PTPRD: variants seen among roughly 807,000 people sequenced by gnomAD.
PTPRD encodes protein tyrosine phosphatase receptor type D, also known as receptor-type tyrosine-protein phosphatase delta.
A neutral mutation model predicts 214.5 loss-of-function variants in PTPRD; 34 were observed. The ratio of observed to expected loss-of-function variants is 0.16; its 90% CI spans 0.12 to 0.21. The LOEUF (loss-of-function observed/expected upper bound fraction) is 0.21. Ranked by LOEUF, PTPRD falls within the 10% of genes least tolerant of loss-of-function variation. The pLI is 1.00. For missense variants in PTPRD, 2,545 were observed against 2,398.7 expected, an observed-to-expected ratio of 1.06 and a Z score of -1.27; for synonymous variants, 1,128 against 845.7, an observed-to-expected ratio of 1.33 and a Z score of -5.79.
At chr9:9,630,347 G>A (rs1593522642) in intron 7 of PTPRD, among the ~76,000 whole-genome samples, 1 of 152,108 alleles carries the variant, frequency 6.6e-6, no homozygotes, top group South Asian at 2.1e-4. Flanking sequence ...CTCTTTTCCT[G>A]ATTTCCCCTC....
chr9:9,452,881 G>A (rs934296722), intron 8 of PTPRD, among the ~76,000 whole-genome samples: 22 of 151,422 alleles, frequency 1.5e-4, no homozygotes, highest in Middle Eastern at 3.2e-3. Context: ...TCAAGCTCTT[G>A]AGATAAATCA....
Position 9,261,310 on chromosome 9 carries a change from C to T in PTPRD, c.-202-77947G>A, listed in dbSNP as rs571525990. ...GTTTATTTTATTTTATGGGACCACA[C>T]GTTAAAATACCTCCTATTTCAAAGG... On this transcript the variant is annotated intron_variant, in intron 9 of 45. Coordinates refer to ENST00000381196, the MANE Select transcript of PTPRD (RefSeq NM_002839.4). Among the ~76,000 whole-genome samples, 5 of 151,876 alleles carry T rather than the reference C, an allele frequency of 3.3e-5. No individual in the cohort carries two copies. In the South Asian group the frequency reaches 6.2e-4, roughly 19 times the overall value.
chr9:9,372,794 T>G (rs200243540), intron 9 of PTPRD, among the ~76,000 whole-genome samples: 4 of 152,082 alleles, frequency 2.6e-5, no homozygotes, highest in African/African-American at 9.7e-5. Context: ...AGGAGCTCTT[T>G]TTGGGCAGGC....
chr9:9,161,429 A>G (rs557368833), intron 10 of PTPRD, among the ~76,000 whole-genome samples: 1 of 152,200 alleles, frequency 6.6e-6, no homozygotes, highest in South Asian at 2.1e-4. Flanking sequence ...CTCATATTTT[A>G]TTTGCTAAAG....
chr9:9,091,336 G>C (rs2099775533), intron 10 of PTPRD: 1 of 797,802 alleles, frequency 1.3e-6, no homozygotes, highest in African/African-American at 1.7e-5. Context: ...TCTTTAAATA[G>C]CTGCGTATTT....
rs199779343 is a variant in PTPRD at position 8,335,365 on chromosome 9, C to CACAT, written c.5379+3553_5379+3556dup. On this transcript the variant is annotated intron_variant, in intron 43 of 45. Coordinates refer to ENST00000381196, the MANE Select transcript of PTPRD (RefSeq NM_002839.4). The stretch of plus-strand genomic sequence containing the variant: ...ACACAAATCAATAAACATAATCCAT[C>CACAT]ACATACACAGAACCAATGACAAAAA... Among the ~76,000 whole-genome samples, 1,172 of 152,220 alleles carry CACAT rather than the reference C, an allele frequency of 7.7e-3. 18 individuals are homozygous for CACAT. Among genetic ancestry groups the CACAT allele is most frequent in the African/African-American group, 0.026 (1,075 of 41,542 alleles).
At chr9:10,365,456 C>A (rs2097498205) in intron 2 of PTPRD, among the ~76,000 whole-genome samples, 1 of 152,272 alleles carries the variant, frequency 6.6e-6, no homozygotes, top group East Asian at 1.9e-4. Context: ...CTAGAATATT[C>A]CTGTCCATAT....
chr9:8,942,049 A>G (rs1336634418), intron 11 of PTPRD, among the ~76,000 whole-genome samples: 1 of 152,102 alleles, frequency 6.6e-6, no homozygotes, highest in Non-Finnish European at 1.5e-5. Context: ...CAGGTGATCC[A>G]TCTGCCTCAG....
chr9:8,826,697 C>G (rs866974249), intron 11 of PTPRD, among the ~76,000 whole-genome samples: 33 of 149,990 alleles, frequency 2.2e-4, no homozygotes, highest in South Asian at 1.3e-3. Flanking sequence ...TTATTTTACT[C>G]TCCTGCTGGA....
At chr9:8,977,544 C>T (rs1452363906) in intron 11 of PTPRD, among the ~76,000 whole-genome samples, 2 of 152,026 alleles carry the variant, frequency 1.3e-5, no homozygotes, top group South Asian at 2.1e-4. Context: ...TTCATTCTAT[C>T]TTGTCATACA....
chr9:10,424,734 T>C (rs2098596475), intron 2 of PTPRD, among the ~76,000 whole-genome samples: 1 of 151,970 alleles, frequency 6.6e-6, no homozygotes, highest in African/African-American at 2.4e-5. Flanking sequence ...TAGAAGGATT[T>C]ATGTGTTCAA....
chr9:9,958,941 G>C (rs937248487), intron 4 of PTPRD, among the ~76,000 whole-genome samples: 11 of 152,110 alleles, frequency 7.2e-5, no homozygotes, highest in Admixed American at 6.5e-4. Context: ...AAAAAGGTTT[G>C]GTGGGCTTTT....
At chr9:9,676,590 T>C (rs1458252415) in intron 7 of PTPRD, among the ~76,000 whole-genome samples, 4 of 152,104 alleles carry the variant, frequency 2.6e-5, no homozygotes, top group South Asian at 2.1e-4. Flanking sequence ...TAAACATACA[T>C]GTGCATGTGT....
intron 35 of PTPRD, among the ~76,000 whole-genome samples, chr9:8,411,902 C>A (rs1363216291): frequency 1.3e-5 from 2 of 152,076 alleles, no homozygotes; most frequent in Non-Finnish European, 2.9e-5. Context: ...AAATACAATT[C>A]ACAGATTAGA....
At chr9:10,436,631 A>G (rs2098720002) in intron 2 of PTPRD, among the ~76,000 whole-genome samples, 1 of 151,806 alleles carries the variant, frequency 6.6e-6, no homozygotes, top group African/African-American at 2.4e-5. Flanking sequence ...ACATATGTAT[A>G]TAATGCATAA....
intron 3 of PTPRD, among the ~76,000 whole-genome samples, chr9:10,189,998 A>G (rs1201426101): frequency 1.3e-5 from 2 of 152,172 alleles, no homozygotes; most frequent in Non-Finnish European, 1.5e-5. Flanking sequence ...AGAGGACACC[A>G]GAATCCAAAG....
chr9:8,801,826 G>A (rs541941180), intron 11 of PTPRD, among the ~76,000 whole-genome samples: 5 of 152,152 alleles, frequency 3.3e-5, no homozygotes, highest in Non-Finnish European at 7.3e-5. Context: ...CCTGACCTCT[G>A]TTTAGTCTCA....
chr9:9,691,572 A>G (rs1344761678), intron 7 of PTPRD, among the ~76,000 whole-genome samples: 2 of 152,036 alleles, frequency 1.3e-5, no homozygotes, highest in East Asian at 1.9e-4. Flanking sequence ...GGCTACTGTG[A>G]ACAGTGCTGC....
intron 8 of PTPRD, among the ~76,000 whole-genome samples, chr9:9,419,048 A>C (rs574460698): frequency 6.6e-6 from 1 of 151,766 alleles, no homozygotes; most frequent in East Asian, 1.9e-4. Flanking sequence ...ATGAGAACAC[A>C]CATATGAAGA....
Sources: gnomAD v4.1 joint callset for allele counts (sites outside exome capture counted in the v4.1 genomes callset) on GRCh38, gnomAD v4.1.1 for gene constraint, MANE v1.5 for transcripts, NCBI Gene and HGNC (gene_info 2026-07-23, HGNC 2026-07-21) for gene names.